Variants in DHX32 observed in about 807,000 individuals in gnomAD.
DHX32 encodes putative pre-mRNA-splicing factor ATP-dependent RNA helicase DHX32.
Under a neutral mutation model 70.0 loss-of-function variants are expected in DHX32, and 51 were observed. That is an observed-to-expected ratio of 0.73 (90% CI 0.58 to 0.92). The LOEUF is 0.92. Among genes scored for constraint, DHX32 ranks in the 40% least tolerant of loss-of-function variants. DHX32 has a pLI of 0.00. For synonymous variants in DHX32, 310 were observed against 315.3 expected, an observed-to-expected ratio of 0.98 and a Z score of 0.18; for missense variants, 762 against 891.8, an observed-to-expected ratio of 0.85 and a Z score of 1.85.
At chr10:125,846,567 A>G (rs981325824) in intron 6 of DHX32, among the ~76,000 whole-genome samples, 5 of 152,188 alleles carry the variant, frequency 3.3e-5, no homozygotes, top group African/African-American at 1.2e-4. Flanking sequence ...TGGCCCTTCT[A>G]GCATGGATGG....
At chr10:125,845,078 A>G (rs1330119247) in intron 6 of DHX32, among the ~76,000 whole-genome samples, 1 of 152,222 alleles carries the variant, frequency 6.6e-6, no homozygotes, top group Admixed American at 6.5e-5. Flanking sequence ...AACTGCAACC[A>G]GCAGAGGAGG....
intron 1 of DHX32, among the ~76,000 whole-genome samples, chr10:125,874,667 C>T (rs544002304): frequency 6.6e-6 from 1 of 152,170 alleles, no homozygotes; most frequent in African/African-American, 2.4e-5. Context: ...CCCTGTTTCT[C>T]ATAGAGAAGT....
At chr10:125,845,037 A>C (rs1427925545) in intron 6 of DHX32, among the ~76,000 whole-genome samples, 2 of 152,214 alleles carry the variant, frequency 1.3e-5, no homozygotes, top group East Asian at 1.9e-4. Flanking sequence ...CCTTGGCATC[A>C]GTAGAAAACC....
intron 1 of DHX32, among the ~76,000 whole-genome samples, chr10:125,878,710 G>C (rs986726746): frequency 7.5e-5 from 11 of 147,252 alleles, no homozygotes; most frequent in African/African-American, 1.2e-4. Context: ...GTTTTGTTTT[G>C]TTTTCTTTTT....
intron 4 of DHX32, 64 bp downstream of exon 4, chr10:125,853,897 G>A: frequency 1.9e-6 from 3 of 1,555,592 alleles, no homozygotes; most frequent in South Asian, 1.2e-5. Flanking sequence ...AAAATGGTAG[G>A]AAACTGAGAA....
chr10:125,848,457 C>T (rs1021298503), intron 6 of DHX32, among the ~76,000 whole-genome samples: 1 of 152,170 alleles, frequency 6.6e-6, no homozygotes, highest in Non-Finnish European at 1.5e-5. Context: ...AGTGGCTTGC[C>T]AAAGCCACAT....
chr10:125,874,907 G>C lies in DHX32; in HGVS notation c.282+5636C>G, dbSNP rs117059658. Among the ~76,000 whole-genome samples, 37 of 152,260 alleles carry C rather than the reference G, an allele frequency of 2.4e-4. 1 individual carries two copies. The East Asian group carries it at 7.1e-3, about 29-fold the overall frequency. On this transcript the variant is annotated intron_variant, in intron 1 of 10. Coordinates refer to ENST00000284690, the MANE Select transcript of DHX32 (RefSeq NM_018180.3). The stretch of plus-strand genomic sequence containing the variant: ...TGCACTCACATACATTTATTTCCTT[G>C]TTGTGTCCACTGAGATGGCCTAAAA...
rs781675809 is a variant in DHX32 at position 125,841,759 on chromosome 10, G to A, written c.1527C>T (p.Ile509=). ...TAAGGATACCTGTTACCATGGCTGCGATTGTTAGCACTTCATCTACACAGT... is the reference window on the plus strand; with the variant it reads ...TAAGGATACCTGTTACCATGGCTGCAATTGTTAGCACTTCATCTACACAGT... ...EFDCVDEVLT[I]AAMVTAPNCF... Residue 509 remains isoleucine, a synonymous_variant, in exon 7 of 11, where the codon ATC becomes ATT. Transcript: ENST00000284690. 3.7e-6 allele frequency: 6 copies of A among 1,609,842 alleles called. No homozygotes were observed. The highest frequency in any genetic ancestry group is 2.7e-5 in the African/African-American group (2 of 74,586).
chr10:125,846,913 T>C (rs976392275), intron 6 of DHX32, among the ~76,000 whole-genome samples: 1 of 152,188 alleles, frequency 6.6e-6, no homozygotes, highest in Non-Finnish European at 1.5e-5. Context: ...TAACGGGTCA[T>C]TAACTAGTAC....
At chr10:125,848,363 A>G (rs1437408000) in intron 6 of DHX32, among the ~76,000 whole-genome samples, 1 of 152,198 alleles carries the variant, frequency 6.6e-6, no homozygotes, top group African/African-American at 2.4e-5. Context: ...AATTTTGCAT[A>G]AACATCTCAT....
rs772299386 is a variant in DHX32 at position 125,852,339 on chromosome 10, C to T, written c.1305G>A (p.Arg435=). Residue 435 remains arginine (R), a synonymous_variant, in exon 6 of 11, where the codon AGG becomes AGA. Transcript: ENST00000284690. ...NLTSMVLFMK[R]IDIAGLGHCD... is the part of the protein sequence containing the mutation. ...AGTGGCCTAGGCCCGCAATGTCTAT[C>T]CTCTTCATAAAAAGCACCATGCTTG... 2 of 1,614,186 alleles carry T rather than the reference C, an allele frequency of 1.2e-6. No individual in the cohort carries two copies. Among genetic ancestry groups the T allele is most frequent in the South Asian group, 2.2e-5 (2 of 91,078 alleles).
chr10:125,882,058 A>G (rs555965948), upstream of DHX32, among the ~76,000 whole-genome samples: 2 of 152,346 alleles, frequency 1.3e-5, no homozygotes, highest in African/African-American at 2.4e-5. Context: ...CATTAAGGAC[A>G]ACTTTTAATT....
chr10:125,836,970 T>A, intron 10 of DHX32, 115 bp from the exon 11 acceptor site: 3 of 839,344 alleles, frequency 3.6e-6, no homozygotes, highest in Non-Finnish European at 3.7e-6. Flanking sequence ...AACCGGTATT[T>A]AATTTGAACT....
Position 125,858,203 on chromosome 10 carries a change from C to T in DHX32, c.849+1400G>A, listed in dbSNP as rs556142008. Among the ~76,000 whole-genome samples the T allele has an allele frequency of 5.1e-4, 77 of 152,152 alleles. 1 individual carries two copies. The highest frequency in any genetic ancestry group is 8.8e-4 in the Non-Finnish European group (60 of 68,026). Reference sequence around the variant, plus strand: ...GGTGTGAGCCACAGTGCCCGGCCTACGTCCTGTTTTTCACCTGGCAATTCT... The same window carrying T: ...GGTGTGAGCCACAGTGCCCGGCCTATGTCCTGTTTTTCACCTGGCAATTCT... On this transcript the variant is annotated intron_variant, in intron 3 of 10. Transcript: ENST00000284690.
At chr10:125,865,850 A>G (rs1371054647) in intron 2 of DHX32, among the ~76,000 whole-genome samples, 1 of 152,136 alleles carries the variant, frequency 6.6e-6, no homozygotes, top group Non-Finnish European at 1.5e-5. Context: ...CTGAATGGAG[A>G]TAAGAACCGC....
chr10:125,837,977 T>C (rs1854749923), intron 10 of DHX32, among the ~76,000 whole-genome samples: 1 of 152,228 alleles, frequency 6.6e-6, no homozygotes. Flanking sequence ...TAAAGACACA[T>C]GGTCTTTGTT....
In DHX32 at chr10:125,880,506, C is replaced by T. The variant is rs7070216; in HGVS notation, c.282+37G>A. ...CATTAAATAACAATTAAAAAATCAA[C>T]ACATACAGCAAATTATTTTTTGTAG... is the stretch of plus-strand genomic sequence containing the variant. On this transcript the variant is annotated intron_variant, in intron 1 of 10. Transcript: ENST00000284690. The T allele has an allele frequency of 1.4e-3, 2,121 of 1,536,222 alleles. 22 individuals are homozygous for T. The African/African-American group carries it at 0.026, about 19-fold the overall frequency.
chr10:125,876,902 C>T (rs373083978), intron 1 of DHX32, among the ~76,000 whole-genome samples: 39 of 152,262 alleles, frequency 2.6e-4, no homozygotes, highest in East Asian at 1.5e-3. Context: ...ATCAACATTA[C>T]ATTCCAGATT....
At chr10:125,853,112 A>G (rs773954077) in intron 4 of DHX32, 1 of 1,580,330 alleles carries the variant, frequency 6.3e-7, no homozygotes, top group Non-Finnish European at 8.7e-7. Context: ...ACTAACAATG[A>G]TTTTCCTTAC....
Sources: allele counts gnomAD v4.1 joint callset (sites outside exome capture counted in the v4.1 genomes callset), GRCh38; gene constraint gnomAD v4.1.1; transcripts MANE v1.5; gene names NCBI Gene and HGNC (gene_info 2026-07-23, HGNC 2026-07-21).